Variants in DCLK2 observed in about 807,000 individuals in gnomAD.
The protein encoded by DCLK2 is doublecortin like kinase 2, also known as serine/threonine-protein kinase DCLK2.
Under a neutral mutation model 78.4 loss-of-function variants are expected in DCLK2, and 31 were observed. The observed-to-expected ratio is 0.40, with a 90% CI of 0.30 to 0.53. The LOEUF (loss-of-function observed/expected upper bound fraction) is 0.53. Among genes scored for constraint, DCLK2 ranks in the 20% least tolerant of loss-of-function variants. The pLI is 0.61. For missense variants in DCLK2, 872 were observed against 973.7 expected (o/e 0.90, Z 1.39); for synonymous variants, 407 against 374.9 (o/e 1.09, Z -0.99).
intron 2 of DCLK2, among the ~76,000 whole-genome samples, chr4:150,153,299 G>A (rs1735021613): frequency 6.6e-6 from 1 of 152,186 alleles, no homozygotes; most frequent in African/African-American, 2.4e-5. Flanking sequence ...TGAAGGCAGT[G>A]AGAAGCCTCA....
chr4:150,229,859 A>T (rs1741908290), intron 8 of DCLK2, among the ~76,000 whole-genome samples: 1 of 152,256 alleles, frequency 6.6e-6, no homozygotes. Flanking sequence ...GCTCAAGACA[A>T]AAGAGATATT....
chr4:150,095,319 A>G (rs1730380325), intron 1 of DCLK2, among the ~76,000 whole-genome samples: 1 of 152,202 alleles, frequency 6.6e-6, no homozygotes, highest in African/African-American at 2.4e-5. Flanking sequence ...ACCGCCTATG[A>G]AGGCATCCCT....
intron 2 of DCLK2, among the ~76,000 whole-genome samples, chr4:150,106,922 T>A (rs191527094): frequency 2.6e-5 from 4 of 152,354 alleles, no homozygotes; most frequent in African/African-American, 9.6e-5. Flanking sequence ...AAATCATATT[T>A]AGGACTTTGT....
At chr4:150,152,432 C>T (rs1449884369) in intron 2 of DCLK2, among the ~76,000 whole-genome samples, 1 of 152,164 alleles carries the variant, frequency 6.6e-6, no homozygotes, top group African/African-American at 2.4e-5. Context: ...CAGGTGCCCA[C>T]CACCACACCC....
At chr4:150,172,767 G>T (rs377117853) in intron 2 of DCLK2, among the ~76,000 whole-genome samples, 46 of 146,630 alleles carry the variant, frequency 3.1e-4, no homozygotes, top group South Asian at 6.9e-4. Context: ...TTTTGGGGGG[G>T]GGGGGGATAC....
At chr4:150,148,883 A>AT (rs1734675042) in intron 2 of DCLK2, among the ~76,000 whole-genome samples, 1 of 151,250 alleles carries the variant, frequency 6.6e-6, no homozygotes, top group Non-Finnish European at 1.5e-5. Context: ...AAATACAAAA[A>AT]TTAGCCAGGC....
chr4:150,213,005 A>G (rs1201004292), intron 5 of DCLK2, among the ~76,000 whole-genome samples: 1 of 152,188 alleles, frequency 6.6e-6, no homozygotes, highest in African/African-American at 2.4e-5. Context: ...GTGAAACCTC[A>G]CAGTGAAAGC....
intron 1 of DCLK2, among the ~76,000 whole-genome samples, chr4:150,093,278 A>T (rs1012675849): frequency 1.3e-5 from 2 of 152,250 alleles, no homozygotes; most frequent in African/African-American, 4.8e-5. Context: ...AAATACATGG[A>T]TAGACATCCT....
At chr4:150,232,850 T>A in intron 10 of DCLK2, 22 bp downstream of exon 10, 1 of 1,604,532 alleles carries the variant, frequency 6.2e-7, no homozygotes, top group East Asian at 2.2e-5. Context: ...CTGCTTTTTC[T>A]GTTCCAATGA....
chr4:150,228,236 A>G (rs1741764520), intron 8 of DCLK2, among the ~76,000 whole-genome samples: 1 of 152,218 alleles, frequency 6.6e-6, no homozygotes, highest in African/African-American at 2.4e-5. Flanking sequence ...AAGTAAGGTA[A>G]TATTTGCAAG....
In DCLK2 at chr4:150,082,213, C is replaced by T. The variant is rs371197720; in HGVS notation, c.421+2765C>T. Among the ~76,000 whole-genome samples the T allele has an allele frequency of 2.1e-4, 32 of 151,978 alleles. 3 individuals are homozygous for T. The highest frequency in any genetic ancestry group is 1.5e-3 in the Admixed American group (23 of 15,254). The stretch of plus-strand genomic sequence containing the variant: ...ATTGTCAAAATTGACTGCTTTATTT[C>T]GTTTTGGTTGATTATTTTTAATAAA... On this transcript the variant is annotated intron_variant, in intron 1 of 15. Coordinates refer to ENST00000296550, the MANE Select transcript of DCLK2 (RefSeq NM_001040260.4).
At chr4:150,112,570 T>A (rs1731767178) in intron 2 of DCLK2, among the ~76,000 whole-genome samples, 1 of 152,206 alleles carries the variant, frequency 6.6e-6, no homozygotes, top group Non-Finnish European at 1.5e-5. Context: ...TGTCTGATAA[T>A]GGCTTTTATT....
chr4:150,086,965 T>G (rs564772431), intron 1 of DCLK2, among the ~76,000 whole-genome samples: 2 of 152,386 alleles, frequency 1.3e-5, no homozygotes, highest in Non-Finnish European at 1.5e-5. Flanking sequence ...TTGTTTTTGC[T>G]AATTTTTTCA....
At position 150,249,621 on chromosome 4, in the gene DCLK2, A is replaced by G. The variant is rs1401626956; in HGVS notation, c.2010A>G (p.Lys670=). Residue 670 remains lysine, a synonymous_variant, in exon 15 of 16, where the codon AAA becomes AAG. Transcript: ENST00000296550. ...AAGCTGAGGTGACAGGTAAACTAAA[A>G]CAGCACTTTAATAATGCGCTCCCCA... ...NMQAEVTGKL[K]QHFNNALPKQ... 6.2e-7 allele frequency: 1 copy of G among 1,613,772 alleles called. No individual in the cohort carries two copies. The highest frequency in any genetic ancestry group is 2.2e-5 in the East Asian group (1 of 44,874).
chr4:150,165,218 C>T (rs1042092471), intron 2 of DCLK2, among the ~76,000 whole-genome samples: 7 of 152,182 alleles, frequency 4.6e-5, no homozygotes, highest in Non-Finnish European at 1.0e-4. Context: ...TTAAAGTGGT[C>T]ATTGAGCTGT....
At chr4:150,253,482 G>A (rs1744335034) in intron 15 of DCLK2, 1 of 1,289,506 alleles carries the variant, frequency 7.8e-7, no homozygotes. Context: ...AGTTTGATTT[G>A]ACAGTTTGAG....
intron 1 of DCLK2, 119 bp from the exon 2 acceptor site, chr4:150,102,358 CT>C: frequency 2.3e-6 from 2 of 878,628 alleles, no homozygotes; most frequent in South Asian, 3.6e-5. Flanking sequence ...TGAACATCCC[CT>C]TTTAGTGAAC....
chr4:150,140,213 G>A (rs191516127), intron 2 of DCLK2, among the ~76,000 whole-genome samples: 1 of 152,308 alleles, frequency 6.6e-6, no homozygotes, highest in Non-Finnish European at 1.5e-5. Flanking sequence ...ACAGAAAGGT[G>A]ATTTGTTAGC....
chr4:150,178,068 A>G (rs1580657855), intron 2 of DCLK2, among the ~76,000 whole-genome samples: 2 of 152,376 alleles, frequency 1.3e-5, no homozygotes, highest in South Asian at 2.1e-4. Flanking sequence ...TGAATTAAAT[A>G]TATGAATTAC....
Sources: gnomAD v4.1 joint callset for allele counts (sites outside exome capture counted in the v4.1 genomes callset) on GRCh38, gnomAD v4.1.1 for gene constraint, MANE v1.5 for transcripts, NCBI Gene and HGNC (gene_info 2026-07-23, HGNC 2026-07-21) for gene names.